CADPS2: variants seen among roughly 807,000 people sequenced by gnomAD.
CADPS2 encodes the protein calcium dependent secretion activator 2.
CADPS2 carries 93 observed loss-of-function variants against 172.5 expected under a neutral mutation model. That is an observed-to-expected ratio of 0.54 (90% CI 0.46 to 0.64). The LOEUF is 0.64. CADPS2 is among the 30% of genes least tolerant of loss of function. CADPS2 has a pLI of 0.00. For missense variants in CADPS2, 1,420 were observed against 1,565.9 expected (o/e 0.91, Z 1.57); for synonymous variants, 546 against 555.2 (o/e 0.98, Z 0.23).
rs182417235 is a variant in CADPS2, at chr7:122,718,623, A to T, written c.453+18332T>A. Among the ~76,000 whole-genome samples the T allele has an allele frequency of 4.6e-5, 7 of 152,228 alleles. No individual in the cohort carries two copies. In the East Asian group the frequency reaches 7.8e-4, roughly 17 times the overall value. On this transcript the variant is annotated intron_variant, in intron 2 of 29. Transcript: ENST00000449022. ...CTAGTGAGTGTAACAAAGCTTAGTG[A>T]AATGAGGATACAAGAGTTGGCAGGG...
intron 17 of CADPS2, chr7:122,422,065 G>A (rs534891582): frequency 1.3e-5 from 2 of 152,222 alleles, no homozygotes; most frequent in South Asian, 4.1e-4. Flanking sequence ...GCTGAGGTGA[G>A]AAACACAAAA....
In CADPS2 at chr7:122,407,708, TA is replaced by T. The variant is rs768118375; in HGVS notation, c.2590-13del. 1.3e-6 allele frequency: 2 copies of T among 1,596,740 alleles called. No homozygotes were observed. Among genetic ancestry groups the T allele is most frequent in the Non-Finnish European group, 1.7e-6 (2 of 1,171,576 alleles). ...CACCAGGCAAATGCCTACAAAAGGA[TA>T]AAAACATAAAGGAGAAAAGTAGATT... is the stretch of plus-strand genomic sequence containing the variant. On this transcript the variant is annotated splice_polypyrimidine_tract_variant and intron_variant, in intron 19 of 29. Transcript: ENST00000449022.
intron 1 of CADPS2, among the ~76,000 whole-genome samples, chr7:122,832,882 T>A (rs541673213): frequency 6.6e-6 from 1 of 152,308 alleles, no homozygotes; most frequent in African/African-American, 2.4e-5. Flanking sequence ...TGGCTTTTTT[T>A]TAAAAAAGAC....
intron 12 of CADPS2, among the ~76,000 whole-genome samples, chr7:122,476,611 T>C (rs1227263107): frequency 1.3e-5 from 2 of 152,098 alleles, no homozygotes; most frequent in Non-Finnish European, 1.5e-5. Flanking sequence ...ACAATTACCA[T>C]TGGTGATAAA....
intron 8 of CADPS2, among the ~76,000 whole-genome samples, chr7:122,540,622 C>T (rs536993093): frequency 2.1e-4 from 32 of 152,200 alleles, no homozygotes; most frequent in African/African-American, 6.7e-4. Context: ...GCAATTAAAA[C>T]GGCAAGGCAT....
intron 2 of CADPS2, among the ~76,000 whole-genome samples, chr7:122,722,908 T>C (rs981391036): frequency 6.6e-6 from 1 of 151,886 alleles, no homozygotes; most frequent in African/African-American, 2.4e-5. Flanking sequence ...TTGACAAACC[T>C]GACAAAAACA....
chr7:122,836,658 A>G (rs1808538805), intron 1 of CADPS2, among the ~76,000 whole-genome samples: 1 of 152,232 alleles, frequency 6.6e-6, no homozygotes, highest in African/African-American at 2.4e-5. Context: ...CTTTAAACCA[A>G]CAAAGATCAA....
At chr7:122,688,545 C>G (rs2083915519) in intron 2 of CADPS2, among the ~76,000 whole-genome samples, 1 of 152,216 alleles carries the variant, frequency 6.6e-6, no homozygotes, top group Non-Finnish European at 1.5e-5. Context: ...ATCAGCACCT[C>G]TCTTAGAGTG....
At chr7:122,326,863 T>C (rs2150750964) in intron 28 of CADPS2, among the ~76,000 whole-genome samples, 1 of 152,192 alleles carries the variant, frequency 6.6e-6, no homozygotes, top group South Asian at 2.1e-4. Flanking sequence ...TTACCATGCT[T>C]ATTTCCATTA....
At position 122,886,385 on chromosome 7, in the gene CADPS2, AC is replaced by A; in HGVS notation, c.-49del. The A allele has an allele frequency of 1.4e-6, 2 of 1,462,614 alleles. No individual in the cohort carries two copies. The highest frequency in any genetic ancestry group is 2.7e-5 in the Admixed American group (1 of 36,822). 90.6% of individuals were successfully genotyped at this position (1,462,614 alleles called of 1,614,324 possible). A position where few individuals can be genotyped will look rare whatever the true frequency, so the allele number is the denominator to read the frequency against. ...TCGGCCCGCGGTCCCCAAGCGCCTCACCCCCGGCGGCTGCGCCCGCGGGTCT... is the reference window on the plus strand; with the variant it reads ...TCGGCCCGCGGTCCCCAAGCGCCTCACCCCGGCGGCTGCGCCCGCGGGTCT... On this transcript the variant is annotated 5_prime_UTR_variant, in exon 1 of 30. Coordinates refer to ENST00000449022, the MANE Select transcript of CADPS2 (RefSeq NM_017954.11).
intron 1 of CADPS2, among the ~76,000 whole-genome samples, chr7:122,803,196 G>A (rs775539705): frequency 6.6e-6 from 1 of 152,068 alleles, no homozygotes; most frequent in South Asian, 2.1e-4. Context: ...AAGCCACACT[G>A]GAAATACACT....
intron 24 of CADPS2, among the ~76,000 whole-genome samples, chr7:122,381,769 G>C (rs939678649): frequency 6.6e-6 from 1 of 152,074 alleles, no homozygotes; most frequent in Non-Finnish European, 1.5e-5. Context: ...GGGAGGGAGG[G>C]AGAGAAAATG....
At chr7:122,350,712 G>A (rs1473542040) in intron 27 of CADPS2, among the ~76,000 whole-genome samples, 3 of 152,254 alleles carry the variant, frequency 2.0e-5, no homozygotes, top group African/African-American at 4.8e-5. Flanking sequence ...GGGGCTGGAT[G>A]CAGTGACTTA....
intron 17 of CADPS2, among the ~76,000 whole-genome samples, chr7:122,436,674 T>C (rs1447994366): frequency 6.6e-6 from 1 of 152,018 alleles, no homozygotes. Flanking sequence ...TTTTCCAGAA[T>C]ATTCTTCCAT....
At chr7:122,541,738 CATATATTT>C (rs1563647120) in intron 8 of CADPS2, among the ~76,000 whole-genome samples, 1 of 139,502 alleles carries the variant, frequency 7.2e-6, no homozygotes, top group East Asian at 2.0e-4. Flanking sequence ...TATATTTATT[CATATATTT>C]ACATATATTC....
chr7:122,535,104 C>A (rs2062121134), intron 8 of CADPS2, among the ~76,000 whole-genome samples: 1 of 152,110 alleles, frequency 6.6e-6, no homozygotes, highest in Admixed American at 6.6e-5. Flanking sequence ...TCACTTTACA[C>A]AAGTATTTGA....
chr7:122,718,987 G>A (rs1038251519), intron 2 of CADPS2, among the ~76,000 whole-genome samples: 1 of 151,556 alleles, frequency 6.6e-6, no homozygotes, highest in Non-Finnish European at 1.5e-5. Flanking sequence ...AAAACTTTTA[G>A]GACTGACATC....
intron 2 of CADPS2, among the ~76,000 whole-genome samples, chr7:122,724,491 A>G (rs937333853): frequency 6.6e-6 from 1 of 152,080 alleles, no homozygotes; most frequent in Non-Finnish European, 1.5e-5. Context: ...ACCATGGCAG[A>G]TACTTGTGGG....
At chr7:122,386,552 T>C (rs1217611822) in intron 24 of CADPS2, among the ~76,000 whole-genome samples, 3 of 151,804 alleles carry the variant, frequency 2.0e-5, no homozygotes, top group Admixed American at 6.6e-5. Context: ...ATAGAAAGAA[T>C]AGGATATTTA....
Sources: allele counts gnomAD v4.1 joint callset (sites outside exome capture counted in the v4.1 genomes callset), GRCh38; gene constraint gnomAD v4.1.1; transcripts MANE v1.5; gene names NCBI Gene and HGNC (gene_info 2026-07-23, HGNC 2026-07-21).